Variants in SESN1 observed in about 807,000 individuals in gnomAD.
The protein encoded by SESN1 is sestrin 1, also known as sestrin-1.
A neutral mutation model predicts 59.3 loss-of-function variants in SESN1; 30 were observed. The observed-to-expected ratio is 0.51, with a 90% CI of 0.38 to 0.69. SESN1 has a LOEUF of 0.69. Ranked by LOEUF, SESN1 falls within the 30% of genes least tolerant of loss-of-function variation. The pLI, the probability that SESN1 is intolerant of heterozygous loss-of-function variation, is 0.00. For missense variants in SESN1, 566 were observed against 673.0 expected, an observed-to-expected ratio of 0.84 and a Z score of 1.76; for synonymous variants, 197 against 219.9, an observed-to-expected ratio of 0.90 and a Z score of 0.92.
rs1380397250 is a variant in SESN1 at position 108,998,505 on chromosome 6, ATACT to A, written c.972+4_972+7del. 1.2e-6 allele frequency: 2 copies of A among 1,613,466 alleles called. No individual in the cohort carries two copies. Among genetic ancestry groups the A allele is most frequent in the Non-Finnish European group, 1.7e-6 (2 of 1,179,472 alleles). On this transcript the variant is annotated splice_donor_5th_base_variant and intron_variant, in intron 5 of 9. Coordinates refer to ENST00000436639, the MANE Select transcript of SESN1 (RefSeq NM_014454.3). The stretch of plus-strand genomic sequence containing the variant: ...TTTTATGACAATCTCATGACAAATA[ATACT>A]TACAGAAACATTTTCTGCTGAGTTG...
chr6:109,026,310 G>A (rs1780092180), intron 1 of SESN1, among the ~76,000 whole-genome samples: 1 of 152,134 alleles, frequency 6.6e-6, no homozygotes, highest in Non-Finnish European at 1.5e-5. Context: ...TCAGAAGGAA[G>A]TGTGAAAAAG....
intron 4 of SESN1, 36 bp from the exon 5 acceptor site, chr6:108,998,791 C>T (rs973509798): frequency 1.5e-5 from 24 of 1,578,478 alleles, no homozygotes; most frequent in Non-Finnish European, 1.9e-5. Flanking sequence ...TATTTTTGTA[C>T]TGGGGTGTGG....
intron 1 of SESN1, among the ~76,000 whole-genome samples, chr6:109,005,998 T>C (rs780135691): frequency 5.9e-5 from 9 of 152,190 alleles, no homozygotes; most frequent in Non-Finnish European, 1.0e-4. Context: ...GAGAACCAAA[T>C]TGCCTTTCAG....
intron 1 of SESN1, chr6:109,009,536 C>A: frequency 8.7e-7 from 1 of 1,152,512 alleles, no homozygotes. Context: ...GGCTGCAGCG[C>A]CTCAGTCAGC....
At chr6:109,064,589 A>G (rs539840019) in intron 1 of SESN1, among the ~76,000 whole-genome samples, 26 of 46,246 alleles carry the variant, frequency 5.6e-4, no homozygotes, top group South Asian at 2.3e-3. Context: ...AGAGGAGAGG[A>G]GAGGGGAGGG....
At chr6:109,029,328 T>A (rs1007994579) in intron 1 of SESN1, among the ~76,000 whole-genome samples, 1 of 152,174 alleles carries the variant, frequency 6.6e-6, no homozygotes, top group African/African-American at 2.4e-5. Flanking sequence ...AAAAAGTTGG[T>A]CTCCAGACTA....
At chr6:109,045,238 C>A (rs188473172) in intron 1 of SESN1, among the ~76,000 whole-genome samples, 1 of 152,180 alleles carries the variant, frequency 6.6e-6, no homozygotes, top group African/African-American at 2.4e-5. Context: ...AAAATCTATC[C>A]CCTATCCTCA....
intron 1 of SESN1, among the ~76,000 whole-genome samples, chr6:109,024,843 T>G (rs1256497408): frequency 6.6e-6 from 1 of 152,256 alleles, no homozygotes; most frequent in Non-Finnish European, 1.5e-5. Context: ...TGAATGTGTG[T>G]TGCTTACACA....
At chr6:109,043,481 TA>T (rs1190072261) in intron 1 of SESN1, among the ~76,000 whole-genome samples, 1 of 152,098 alleles carries the variant, frequency 6.6e-6, no homozygotes, top group Non-Finnish European at 1.5e-5. Flanking sequence ...AAGGAATTTA[TA>T]AAAAACAACG....
intron 1 of SESN1, among the ~76,000 whole-genome samples, chr6:109,021,847 CTCA>C (rs1780016277): frequency 6.6e-6 from 1 of 152,160 alleles, no homozygotes; most frequent in Admixed American, 6.5e-5. Context: ...CTGTATCAAT[CTCA>C]TGTTTTTGGG....
chr6:109,041,151 AAC>A (rs1000903258), intron 1 of SESN1, among the ~76,000 whole-genome samples: 6 of 150,990 alleles, frequency 4.0e-5, no homozygotes, highest in African/African-American at 1.5e-4. Flanking sequence ...AAAAAAAAAA[AAC>A]AAACCAAAAC....
At chr6:108,997,360 C>A (rs1254827213) in intron 5 of SESN1, among the ~76,000 whole-genome samples, 1 of 152,158 alleles carries the variant, frequency 6.6e-6, no homozygotes, top group Admixed American at 6.5e-5. Flanking sequence ...TCTCTTGGAT[C>A]CTCTTCTGAC....
Position 108,987,520 on chromosome 6 carries a change from ATCATCTT to A in SESN1, c.*17_*23del, listed in dbSNP as rs1779230581. The A allele has an allele frequency of 1.5e-6, 2 of 1,351,110 alleles. No homozygotes were observed. Among genetic ancestry groups the A allele is most frequent in the Non-Finnish European group, 2.1e-6 (2 of 943,076 alleles). The allele number at this position is 1,351,110 out of a possible 1,614,324, so 83.7% of individuals were successfully genotyped here. On this transcript the variant is annotated 3_prime_UTR_variant, in exon 10 of 10. Transcript: ENST00000436639. Reference sequence around the variant, plus strand: ...GACTATATCTGCTGATCATTCCAGAATCATCTTTAATGAAGGAAAGGCATCAGGTCAT... The same window carrying A: ...GACTATATCTGCTGATCATTCCAGAATAATGAAGGAAAGGCATCAGGTCAT...
intron 1 of SESN1, among the ~76,000 whole-genome samples, chr6:109,084,312 G>C (rs1315110204): frequency 6.6e-6 from 1 of 152,160 alleles, no homozygotes; most frequent in African/African-American, 2.4e-5. Flanking sequence ...TGTAATCCTA[G>C]CACTTTGGGA....
At chr6:109,035,217 C>T (rs1780232489) in intron 1 of SESN1, among the ~76,000 whole-genome samples, 1 of 152,020 alleles carries the variant, frequency 6.6e-6, no homozygotes, top group Non-Finnish European at 1.5e-5. Context: ...AAAGAACTGA[C>T]CCCAAAACAG....
At chr6:108,994,342 G>C in intron 6 of SESN1, 120 bp downstream of exon 6, 1 of 725,786 alleles carries the variant, frequency 1.4e-6, no homozygotes, top group East Asian at 2.9e-5. Context: ...GAATACCTAT[G>C]CAATAGTCTC....
chr6:109,085,638 A>G (rs533410906), intron 1 of SESN1, among the ~76,000 whole-genome samples: 20 of 152,354 alleles, frequency 1.3e-4, no homozygotes, highest in African/African-American at 4.6e-4. Context: ...AATTTCTTTA[A>G]GGTCATTTCA....
intron 1 of SESN1, among the ~76,000 whole-genome samples, chr6:109,073,224 CA>C (rs941384972): frequency 6.6e-5 from 10 of 152,030 alleles, no homozygotes; most frequent in African/African-American, 2.4e-4. Flanking sequence ...AAAAAAAATC[CA>C]AGCATTTGAA....
At chr6:109,062,214 G>GA (rs1339064445) in intron 1 of SESN1, among the ~76,000 whole-genome samples, 1 of 152,210 alleles carries the variant, frequency 6.6e-6, no homozygotes, top group African/African-American at 2.4e-5. Flanking sequence ...GAGGAAGTCA[G>GA]AATTGAGAGA....
Sources: allele counts gnomAD v4.1 joint callset (sites outside exome capture counted in the v4.1 genomes callset), GRCh38; gene constraint gnomAD v4.1.1; transcripts MANE v1.5; gene names NCBI Gene and HGNC (gene_info 2026-07-23, HGNC 2026-07-21).